ANKAR: variants seen among roughly 807,000 people sequenced by gnomAD.
ANKAR encodes ankyrin and armadillo repeat-containing protein.
ANKAR carries 136 observed loss-of-function variants against 146.2 expected under a neutral mutation model. The ratio of observed to expected loss-of-function variants is 0.93; its 90% confidence interval spans 0.81 to 1.07. The LOEUF is 1.07. Ranked by LOEUF, ANKAR falls within the 50% of genes least tolerant of loss-of-function variation. ANKAR has a pLI of 0.00. For missense variants in ANKAR, 1,567 were observed against 1,679.9 expected (o/e 0.93, Z 1.18); for synonymous variants, 500 against 575.8 (o/e 0.87, Z 1.88).
intron 21 of ANKAR, among the ~76,000 whole-genome samples, chr2:189,743,751 CACA>C (rs2043680875): frequency 1.3e-5 from 2 of 152,144 alleles, no homozygotes; most frequent in Non-Finnish European, 2.9e-5. Context: ...GACTGGTTAC[CACA>C]ACATCTGATT....
chr2:189,729,804 G>A (rs544471748), intron 15 of ANKAR, among the ~76,000 whole-genome samples: 56 of 151,108 alleles, frequency 3.7e-4, no homozygotes, highest in African/African-American at 1.3e-3. Context: ...TCTCTTCATT[G>A]TTCACTGAGA....
Position 189,746,406 on chromosome 2 carries a change from C to T in ANKAR, c.4084C>T (p.Pro1362Ser). The change falls in exon 23 of 23, where the codon CCT (proline) becomes TCT (serine). Residue 1362 changes from proline to serine, a missense_variant. Coordinates refer to ENST00000684021, the MANE Select transcript of ANKAR (RefSeq NM_001378068.1). ...RGKEHRRKLK[P>S]KIQPKDSLTL... ...GAAGGAGCACCGAAGAAAATTAAAA[C>T]CTAAAATTCAACCAAAAGATTCTTT... 11 of 1,606,886 alleles carry T rather than the reference C, an allele frequency of 6.8e-6. No individual in the cohort carries two copies. The highest frequency in any genetic ancestry group is 9.3e-6 in the Non-Finnish European group (11 of 1,178,094).
At chr2:189,742,545 TA>T (rs936946922) in intron 20 of ANKAR, among the ~76,000 whole-genome samples, 15 of 148,894 alleles carry the variant, frequency 1.0e-4, no homozygotes, top group South Asian at 4.2e-4. Context: ...GTCTGAATGT[TA>T]AAAAAAAATT....
intron 2 of ANKAR, among the ~76,000 whole-genome samples, chr2:189,677,997 C>T (rs929844156): frequency 6.6e-6 from 1 of 152,164 alleles, no homozygotes; most frequent in Non-Finnish European, 1.5e-5. Flanking sequence ...ACATTTAGTT[C>T]TTTAAAGAAT....
intron 7 of ANKAR, among the ~76,000 whole-genome samples, chr2:189,703,449 A>G (rs995056867): frequency 2.0e-5 from 3 of 152,168 alleles, no homozygotes; most frequent in Non-Finnish European, 4.4e-5. Context: ...TGGCTGGATC[A>G]TCATATCTCT....
intron 10 of ANKAR, among the ~76,000 whole-genome samples, chr2:189,717,789 G>A (rs942702667): frequency 6.6e-6 from 1 of 152,174 alleles, no homozygotes; most frequent in Non-Finnish European, 1.5e-5. Flanking sequence ...CCTTTGCAGG[G>A]ACATGGATGA....
chr2:189,760,037 T>A (rs559991930), intron 18 of ANKAR, among the ~76,000 whole-genome samples: 156 of 152,284 alleles, frequency 1.0e-3, no homozygotes, highest in African/African-American at 3.5e-3. Context: ...TAACCCTGAG[T>A]TGACACAGCA....
rs777400121 is a variant in ANKAR at position 189,693,112 on chromosome 2, A to G, written c.1242A>G (p.Thr414=). The part of the protein sequence containing the change: ...LEKIRDCAAN[T]FIEDSGYKEY... ...AAATACGAGATTGTGCTGCTAATAC[A>G]TTTATAGAAGATTCAGGATATAAAG... The change falls in exon 5 of 23, where the codon ACA becomes ACG. Residue 414 remains threonine (T), a synonymous_variant. Transcript: ENST00000684021. The G allele has an allele frequency of 6.4e-7, 1 of 1,554,838 alleles. No individual in the cohort carries two copies. Among genetic ancestry groups the G allele is most frequent in the South Asian group, 1.2e-5 (1 of 84,130 alleles).
intron 9 of ANKAR, among the ~76,000 whole-genome samples, chr2:189,710,639 A>T (rs140969355): frequency 0.038 from 5,734 of 152,194 alleles, 156 homozygotes; most frequent in African/African-American, 0.067. Flanking sequence ...GTCTCTGCAA[A>T]AAAAATACAA....
chr2:189,762,516 T>C (rs1312329291), downstream of ANKAR: 8 of 852,078 alleles, frequency 9.4e-6, no homozygotes, highest in East Asian at 4.9e-4. Context: ...ACAAGGAGGA[T>C]TGTACGAAGC....
chr2:189,751,699 C>T (rs1267077322), intron 18 of ANKAR, among the ~76,000 whole-genome samples: 3 of 151,638 alleles, frequency 2.0e-5, no homozygotes, highest in Non-Finnish European at 2.9e-5. Flanking sequence ...CCCACCTCAG[C>T]CTCCCAAAGT....
At chr2:189,717,541 G>T (rs901259693) in intron 10 of ANKAR, among the ~76,000 whole-genome samples, 4 of 152,124 alleles carry the variant, frequency 2.6e-5, no homozygotes, top group Non-Finnish European at 4.4e-5. Flanking sequence ...ATTCCTCAAG[G>T]ATCTAGAACT....
chr2:189,696,829 T>G lies in ANKAR; in HGVS notation c.1708+460T>G, dbSNP rs2037283560. 2.6e-5 allele frequency among the ~76,000 whole-genome samples: 4 copies of G among 152,190 alleles called. No individual in the cohort carries two copies. The South Asian group carries it at 8.3e-4, about 31-fold the overall frequency. ...CTGTCAGGTCCCAGTAGAACAATCA[T>G]TCTTTATTCCAGGATCCTCAAACAG... On this transcript the variant is annotated intron_variant, in intron 7 of 22. Coordinates refer to ENST00000684021, the MANE Select transcript of ANKAR (RefSeq NM_001378068.1).
In ANKAR at chr2:189,695,066, A is replaced by G. The variant is rs2036996955; in HGVS notation, c.1393A>G (p.Asn465Asp). Reference protein sequence around the residue: ...QWWGAINEIVNNLRLKRLPLT... With the variant: ...QWWGAINEIVDNLRLKRLPLT... ...GTGGGGAGCCATAAATGAAATAGTG[A>G]ACAATCTGAGACTGAAAAGACTTCC... The change falls in exon 6 of 23, where the codon AAC becomes GAC. Residue 465 changes from asparagine (N) to aspartate (D), a missense_variant. By Grantham distance (23) the Asn-to-Asp change is conservative. Transcript: ENST00000684021. 2 of 1,612,940 alleles carry G rather than the reference A, an allele frequency of 1.2e-6. No individual in the cohort carries two copies. Among genetic ancestry groups the G allele is most frequent in the Non-Finnish European group, 1.7e-6 (2 of 1,179,502 alleles).
At chr2:189,715,750 C>T (rs1434434088) in intron 10 of ANKAR, among the ~76,000 whole-genome samples, 7 of 152,120 alleles carry the variant, frequency 4.6e-5, no homozygotes, top group East Asian at 1.9e-4. Flanking sequence ...ATGATCAAGT[C>T]GGTTTCATCC....
rs184582346 is a variant in ANKAR at position 189,693,764 on chromosome 2, T to G, written c.1307+587T>G. Among the ~76,000 whole-genome samples the G allele has an allele frequency of 4.7e-3, 709 of 151,890 alleles. 20 individuals carry two copies. The highest frequency in any genetic ancestry group is 0.037 in the Admixed American group (569 of 15,258). ...CTATCTTTGTTTTTGTTTGTTTGTT[T>G]ATGAGACAGAGTCTTGCTCTGTCAC... On this transcript the variant is annotated intron_variant, in intron 5 of 22. Coordinates refer to ENST00000684021, the MANE Select transcript of ANKAR (RefSeq NM_001378068.1).
At chr2:189,723,948 C>A (rs998869087) in intron 12 of ANKAR, among the ~76,000 whole-genome samples, 5 of 152,090 alleles carry the variant, frequency 3.3e-5, no homozygotes, top group Non-Finnish European at 7.4e-5. Flanking sequence ...GAGAAATAGA[C>A]AGGAATCAAA....
intron 20 of ANKAR, 54 bp from the exon 21 acceptor site, chr2:189,743,221 A>G: frequency 6.5e-7 from 1 of 1,537,776 alleles, no homozygotes; most frequent in Non-Finnish European, 8.9e-7. Context: ...TAGAACATTA[A>G]GATATTTTAA....
At chr2:189,743,967 T>C (rs943937236) in intron 21 of ANKAR, among the ~76,000 whole-genome samples, 2 of 152,198 alleles carry the variant, frequency 1.3e-5, no homozygotes, top group East Asian at 3.9e-4. Context: ...CTCAATGTTG[T>C]GGTTTCATCA....
Sources: gnomAD v4.1 joint callset for allele counts (sites outside exome capture counted in the v4.1 genomes callset) on GRCh38, gnomAD v4.1.1 for gene constraint, MANE v1.5 for transcripts, NCBI Gene and HGNC (gene_info 2026-07-23, HGNC 2026-07-21) for gene names.